The following MYL11 variants were observed in gnomAD, a reference collection of about 807,000 sequenced individuals.
MYL11 encodes myosin regulatory light chain 11.
chr16:30,374,917 C>A, the MYL11 span: 1 of 1,588,656 alleles, frequency 6.3e-7, no homozygotes, highest in South Asian at 1.2e-5. Flanking sequence ...GGCAGCCTCA[C>A]CCTTTGAAAG....
the MYL11 span, chr16:30,374,796 C>T: frequency 6.2e-7 from 1 of 1,603,468 alleles, no homozygotes; most frequent in Admixed American, 1.7e-5. Flanking sequence ...GGGACTGCCC[C>T]ATGCTGACTC....
the MYL11 span, chr16:30,376,020 C>G: frequency 1.4e-6 from 2 of 1,479,906 alleles, no homozygotes. Flanking sequence ...AGAATTCCTT[C>G]CTCCCCTCTC....
the MYL11 span, among the ~76,000 whole-genome samples, chr16:30,373,422 C>T: frequency 6.6e-6 from 1 of 152,098 alleles, no homozygotes; most frequent in Non-Finnish European, 1.5e-5. Flanking sequence ...GGGGAAACCC[C>T]GTCTCTACTA....
At chr16:30,376,502 G>C in the MYL11 span, 6 of 1,613,984 alleles carry the variant, frequency 3.7e-6, no homozygotes, top group Middle Eastern at 1.6e-4. Context: ...CCGTCTTCCT[G>C]ACCATGTTCG....
chr16:30,370,986 C>G, the MYL11 span: 1 of 152,272 alleles, frequency 6.6e-6, no homozygotes, highest in African/African-American at 2.4e-5. Flanking sequence ...CTGAAGAATT[C>G]TTTAGGTCTC....
chr16:30,376,306 C>A, the MYL11 span: 1 of 1,556,038 alleles, frequency 6.4e-7, no homozygotes, highest in Non-Finnish European at 8.8e-7. Flanking sequence ...CTGTCAGCTC[C>A]ACCTTGGGCC....
chr16:30,372,644 A>C, the MYL11 span, among the ~76,000 whole-genome samples: 20 of 151,124 alleles, frequency 1.3e-4, no homozygotes, highest in Admixed American at 4.6e-4. Context: ...ACAGAAAGTG[A>C]CCAGCTGGCT....
At chr16:30,371,533 C>T in the MYL11 span, among the ~76,000 whole-genome samples, 1 of 152,162 alleles carries the variant, frequency 6.6e-6, no homozygotes. Flanking sequence ...CCATTTCCTG[C>T]GGGAATCCCA....
At chr16:30,377,513 G>A in the MYL11 span, 3 of 800,540 alleles carry the variant, frequency 3.7e-6, no homozygotes, top group Non-Finnish European at 5.4e-6. Context: ...GGGCAAAAGC[G>A]AGTGTCTGGG....
the MYL11 span, among the ~76,000 whole-genome samples, chr16:30,373,176 C>T: frequency 3.3e-5 from 5 of 152,340 alleles, no homozygotes; most frequent in East Asian, 1.9e-4. Flanking sequence ...TGGCTCGGCG[C>T]GGTGGCTCAT....
chr16:30,376,085 G>C, the MYL11 span: 1 of 1,577,600 alleles, frequency 6.3e-7, no homozygotes, highest in Non-Finnish European at 8.7e-7. Flanking sequence ...TCCTCCTGGG[G>C]TAGGGATGCT....
At chr16:30,371,222 C>T in the MYL11 span, among the ~76,000 whole-genome samples, 3 of 152,196 alleles carry the variant, frequency 2.0e-5, no homozygotes, top group Non-Finnish European at 2.9e-5. Context: ...GGGAGGGTGA[C>T]AGCTGGGGAC....
the MYL11 span, among the ~76,000 whole-genome samples, chr16:30,374,216 C>G: frequency 2.6e-5 from 4 of 151,428 alleles, no homozygotes; most frequent in South Asian, 8.4e-4. Flanking sequence ...CTCGGGAGGC[C>G]AAGATAGGAG....
At chr16:30,376,938 C>G in the MYL11 span, among the ~76,000 whole-genome samples, 5 of 152,160 alleles carry the variant, frequency 3.3e-5, no homozygotes, top group African/African-American at 1.2e-4. Flanking sequence ...GCTGGCCGGG[C>G]ACAGTGGCTC....
the MYL11 span, among the ~76,000 whole-genome samples, chr16:30,371,962 G>T: frequency 6.6e-6 from 1 of 152,130 alleles, no homozygotes; most frequent in East Asian, 1.9e-4. Context: ...TGGAATTCCA[G>T]TGAGACCTAG....
chr16:30,377,716 G>C, the MYL11 span: 63 of 1,580,012 alleles, frequency 4.0e-5, no homozygotes, highest in Non-Finnish European at 5.3e-5. Flanking sequence ...AGTGGGGACC[G>C]GGGCGGGGCC....
At chr16:30,377,357 T>C in the MYL11 span, among the ~76,000 whole-genome samples, 1 of 152,130 alleles carries the variant, frequency 6.6e-6, no homozygotes, top group Admixed American at 6.5e-5. Context: ...CATTCCAGCC[T>C]GGGCGACAGG....
the MYL11 span, among the ~76,000 whole-genome samples, chr16:30,374,313 TA>T: frequency 0.014 from 1,879 of 131,804 alleles, 19 homozygotes; most frequent in African/African-American, 0.033. Context: ...CGAGACTGTC[TA>T]AAAAAAAAAA....
At chr16:30,376,743 C>A in the MYL11 span, 1 of 1,561,174 alleles carries the variant, frequency 6.4e-7, no homozygotes, top group South Asian at 1.1e-5. Flanking sequence ...CCCCACTCCA[C>A]CAGCTGCTCC....
Sources: allele counts gnomAD v4.1 joint callset (sites outside exome capture counted in the v4.1 genomes callset), GRCh38; gene constraint gnomAD v4.1.1; transcripts MANE v1.5; gene names NCBI Gene and HGNC (gene_info 2026-07-23, HGNC 2026-07-21).